The following CNTN4 variants were observed in gnomAD, a reference collection of about 807,000 sequenced individuals.
CNTN4 encodes contactin-4.
A neutral mutation model predicts 122.5 loss-of-function variants in CNTN4; 77 were observed. That is an observed-to-expected ratio of 0.63 (90% CI 0.52 to 0.76). The LOEUF (loss-of-function observed/expected upper bound fraction) is 0.76. Ranked by LOEUF, CNTN4 falls within the 30% of genes least tolerant of loss-of-function variation. The pLI is 0.00. For missense variants in CNTN4, 1,256 were observed against 1,259.1 expected (o/e 1.00, Z 0.04); for synonymous variants, 512 against 447.0 (o/e 1.15, Z -1.83).
intron 12 of CNTN4, among the ~76,000 whole-genome samples, chr3:2,919,111 A>G (rs933923926): frequency 2.0e-5 from 3 of 151,998 alleles, no homozygotes; most frequent in African/African-American, 7.2e-5. Context: ...TGGGAGGCCA[A>G]GGCAGTAAGA....
intron 2 of CNTN4, among the ~76,000 whole-genome samples, chr3:2,154,643 G>A (rs2035640482): frequency 6.6e-6 from 1 of 152,206 alleles, no homozygotes; most frequent in Admixed American, 6.5e-5. Context: ...AGATTTATAT[G>A]TATAGAGAAT....
In CNTN4 at chr3:2,883,256, T is replaced by C; in HGVS notation, c.755+9T>C. 6.2e-7 allele frequency: 1 copy of C among 1,602,142 alleles called. No homozygotes were observed. Among genetic ancestry groups the C allele is most frequent in the African/African-American group, 1.3e-5 (1 of 74,742 alleles). On this transcript the variant is annotated intron_variant, in intron 9 of 24. Transcript: ENST00000418658. Reference sequence around the variant, plus strand: ...TGCTTTGCTTTAGGAAAGTAAGTTCTGGTTTGCGTTCCTTCTCATCCTCCC... The same window carrying C: ...TGCTTTGCTTTAGGAAAGTAAGTTCCGGTTTGCGTTCCTTCTCATCCTCCC...
intron 4 of CNTN4, among the ~76,000 whole-genome samples, chr3:2,647,397 A>G: frequency 2.8e-5 from 1 of 35,452 alleles, no homozygotes; most frequent in Non-Finnish European, 6.2e-5. Flanking sequence ...AAATAAATAA[A>G]TAAATAAATA....
rs1396304804 is a variant in CNTN4 at position 3,043,068 on chromosome 3, A to C, written c.2603A>C (p.Lys868Thr). 1 of 1,614,056 alleles carries C rather than the reference A, an allele frequency of 6.2e-7. No homozygotes were observed. The highest frequency in any genetic ancestry group is 1.3e-5 in the African/African-American group (1 of 74,918). The change falls in exon 22 of 25, where the codon AAA becomes ACA. Residue 868 changes from lysine (K) to threonine (T), a missense_variant. By Grantham distance (78) the Lys-to-Thr change is moderately conservative. Transcript: ENST00000418658. ...ACATCAACAAAAATCACGAACTTAA[A>C]AGGCAGTGTGCTGTATCACTTAGCT... ...NQTSTKITNL[K>T]GSVLYHLAVK...
At chr3:2,359,876 C>A (rs140068674) in intron 3 of CNTN4, among the ~76,000 whole-genome samples, 81 of 152,272 alleles carry the variant, frequency 5.3e-4, no homozygotes, top group African/African-American at 1.8e-3. Context: ...CCTTCACTTG[C>A]TGAACAGATA....
chr3:2,586,439 C>G (rs2080208713), intron 4 of CNTN4, among the ~76,000 whole-genome samples: 1 of 152,104 alleles, frequency 6.6e-6, no homozygotes, highest in Non-Finnish European at 1.5e-5. Flanking sequence ...ATGACAGGCA[C>G]CCACCACCAC....
intron 2 of CNTN4, among the ~76,000 whole-genome samples, chr3:2,206,867 G>T (rs965473143): frequency 2.1e-5 from 3 of 140,640 alleles, no homozygotes; most frequent in African/African-American, 5.3e-5. Flanking sequence ...ACTGCACTTC[G>T]CAGATACTGC....
At chr3:2,690,622 G>C (rs2085682946) in intron 4 of CNTN4, among the ~76,000 whole-genome samples, 1 of 152,066 alleles carries the variant, frequency 6.6e-6, no homozygotes, top group Non-Finnish European at 1.5e-5. Flanking sequence ...AAGTGACAAA[G>C]CTTGTCTGCC....
At chr3:2,133,731 T>C (rs894995823) in intron 2 of CNTN4, among the ~76,000 whole-genome samples, 3 of 151,994 alleles carry the variant, frequency 2.0e-5, no homozygotes, top group African/African-American at 7.2e-5. Context: ...AATAAATATA[T>C]GTCTTGCAAC....
At chr3:2,608,879 A>G (rs1246480618) in intron 4 of CNTN4, among the ~76,000 whole-genome samples, 1 of 152,222 alleles carries the variant, frequency 6.6e-6, no homozygotes, top group East Asian at 1.9e-4. Flanking sequence ...TTCTTCCACT[A>G]CTGGGAGATT....
At chr3:2,144,835 A>G (rs2125363015) in intron 2 of CNTN4, among the ~76,000 whole-genome samples, 1 of 152,314 alleles carries the variant, frequency 6.6e-6, no homozygotes, top group African/African-American at 2.4e-5. Flanking sequence ...TCTGCCCAGA[A>G]TTTCTCAGGA....
chr3:2,874,976 G>A (rs1577118395), intron 8 of CNTN4, among the ~76,000 whole-genome samples: 4 of 151,916 alleles, frequency 2.6e-5, no homozygotes, highest in Admixed American at 6.6e-5. Flanking sequence ...GTGCTTATCC[G>A]TTTGTTTTTG....
At chr3:2,434,880 T>A (rs2048205362) in intron 3 of CNTN4, among the ~76,000 whole-genome samples, 2 of 152,170 alleles carry the variant, frequency 1.3e-5, no homozygotes, top group Admixed American at 6.5e-5. Context: ...GAAAGTCTTC[T>A]TCATATCCAA....
intron 3 of CNTN4, among the ~76,000 whole-genome samples, chr3:2,506,302 A>G (rs545900719): frequency 7.1e-4 from 108 of 152,364 alleles, no homozygotes; most frequent in African/African-American, 2.4e-3. Flanking sequence ...TGGAGCCGAC[A>G]AAAGAGCTCA....
In CNTN4 at chr3:2,340,708, T is replaced by TAG. The variant is rs1414538595; in HGVS notation, c.-89+1476_-89+1477insGA. Among the ~76,000 whole-genome samples, 126 of 25,374 alleles carry TAG rather than the reference T, an allele frequency of 5.0e-3. 2 individuals carry two copies. Among genetic ancestry groups the TAG allele is most frequent in the Non-Finnish European group, 9.6e-3 (91 of 9,500 alleles). The allele number at this position is 25,374 out of a possible 152,430, so 16.6% of individuals were successfully genotyped here. ...TTTTATATATATATATATATATATA[T>TAG]ATAGAGAGAGAGAGAGAGAGAGAGA... is the stretch of plus-strand genomic sequence containing the variant. On this transcript the variant is annotated intron_variant, in intron 3 of 24. Coordinates refer to ENST00000418658, the MANE Select transcript of CNTN4 (RefSeq NM_175607.3).
chr3:2,713,475 C>T (rs1006019025), intron 4 of CNTN4, among the ~76,000 whole-genome samples: 1 of 152,218 alleles, frequency 6.6e-6, no homozygotes, highest in Non-Finnish European at 1.5e-5. Context: ...AACGGGGGAA[C>T]TTAGCACGGC....
intron 4 of CNTN4, among the ~76,000 whole-genome samples, chr3:2,733,532 GTTTT>G (rs1201306391): frequency 8.3e-6 from 1 of 120,524 alleles, no homozygotes; most frequent in Admixed American, 8.0e-5. Flanking sequence ...GCATGTTTGT[GTTTT>G]TTTTTTTTTT....
intron 7 of CNTN4, among the ~76,000 whole-genome samples, chr3:2,830,493 T>G (rs1013776981): frequency 1.1e-4 from 16 of 152,144 alleles, no homozygotes; most frequent in Non-Finnish European, 4.4e-5. Context: ...TCTTTTGGAG[T>G]TGTCCTGTCC....
At chr3:2,106,591 C>T (rs777191461) in intron 2 of CNTN4, among the ~76,000 whole-genome samples, 11 of 152,202 alleles carry the variant, frequency 7.2e-5, no homozygotes, top group Non-Finnish European at 1.6e-4. Context: ...CACCAAGTCC[C>T]TAGGCTGTAC....
Sources: allele counts gnomAD v4.1 joint callset (sites outside exome capture counted in the v4.1 genomes callset), GRCh38; gene constraint gnomAD v4.1.1; transcripts MANE v1.5; gene names NCBI Gene and HGNC (gene_info 2026-07-23, HGNC 2026-07-21).